Variants in SAPCD2 observed in about 807,000 individuals in gnomAD.
The protein encoded by SAPCD2 is suppressor APC domain-containing protein 2.
A neutral mutation model predicts 37.8 loss-of-function variants in SAPCD2; 34 were observed. That is an observed-to-expected ratio of 0.90 (90% CI 0.68 to 1.20). The LOEUF (loss-of-function observed/expected upper bound fraction) is 1.20. Ranked by LOEUF, SAPCD2 falls within the 50% of genes most tolerant of loss-of-function variation. The pLI is 0.00. For synonymous variants in SAPCD2, 275 were observed against 270.3 expected, an observed-to-expected ratio of 1.02 and a Z score of -0.17; for missense variants, 572 against 584.7, an observed-to-expected ratio of 0.98 and a Z score of 0.22.
chr9:137,064,791 G>A lies in SAPCD2; in HGVS notation c.1057-4C>T. 1 of 1,593,306 alleles carries A rather than the reference G, an allele frequency of 6.3e-7. No homozygotes were observed. The highest frequency in any genetic ancestry group is 8.5e-7 in the Non-Finnish European group (1 of 1,170,572). On this transcript the variant is annotated splice_polypyrimidine_tract_variant and splice_region_variant and intron_variant, in intron 5 of 5. Transcript: ENST00000409687. The stretch of plus-strand genomic sequence containing the variant: ...GCTCACTCTTCTCGGTCACCTCCTG[G>A]GCAGGTGCACAGTTGGTCAAGGCCT...
Position 137,065,160 on chromosome 9 carries a change from C to A in SAPCD2, c.857G>T (p.Arg286Leu). ...CTTGGGCAGTAGCCGCCCCAGTGGG[C>A]GGGGGCTCCCTGCAGCCCCAAAGTC... ...SADFGAAGSP[R>L]PLGRLLPKVQ... Residue 286 changes from arginine (R) to leucine (L), a missense_variant, in exon 4 of 6, where the codon CGC becomes CTC. Coordinates refer to ENST00000409687, the MANE Select transcript of SAPCD2 (RefSeq NM_178448.4). The A allele has an allele frequency of 6.7e-7, 1 of 1,497,362 alleles. No homozygotes were observed. The highest frequency in any genetic ancestry group is 2.3e-5 in the Admixed American group (1 of 42,676). 92.8% of individuals were successfully genotyped at this position (1,497,362 alleles called of 1,614,324 possible). A position where few individuals can be genotyped will look rare whatever the true frequency, so the allele number is the denominator to read the frequency against.
At chr9:137,067,225 G>A (rs917382283) in intron 1 of SAPCD2, among the ~76,000 whole-genome samples, 1 of 151,484 alleles carries the variant, frequency 6.6e-6, no homozygotes, top group East Asian at 2.0e-4. Flanking sequence ...CTGACCTCAG[G>A]TGATCCACCC....
chr9:137,067,774 CAAAAAAAAAAAAAAAA>C (rs36035728), intron 1 of SAPCD2, among the ~76,000 whole-genome samples: 1 of 44,646 alleles, frequency 2.2e-5, no homozygotes, highest in African/African-American at 9.0e-5. Context: ...GACTCCATCT[CAAAAAAAAAAAAAAAA>C]AAAAAAAAAA....
At position 137,064,045 on chromosome 9, in the gene SAPCD2, A is replaced by T. The variant is rs1832504214; in HGVS notation, c.*614T>A. ...AAGCTCTCGCCCACCCGGCGTGCCGATCCGCTGCAGCCAGGGTCCCTCAGC... is the reference window on the plus strand; with the variant it reads ...AAGCTCTCGCCCACCCGGCGTGCCGTTCCGCTGCAGCCAGGGTCCCTCAGC... On this transcript the variant is annotated 3_prime_UTR_variant, in exon 6 of 6. Transcript: ENST00000409687. 6.2e-6 allele frequency: 1 copy of T among 161,088 alleles called. No individual in the cohort carries two copies. Among genetic ancestry groups the T allele is most frequent in the Non-Finnish European group, 1.4e-5 (1 of 73,408 alleles). 10.0% of individuals were successfully genotyped at this position (161,088 alleles called of 1,614,324 possible). A position where few individuals can be genotyped will look rare whatever the true frequency, so the allele number is the denominator to read the frequency against.
At chr9:137,069,123 G>A (rs565119629) in intron 1 of SAPCD2, among the ~76,000 whole-genome samples, 24 of 152,344 alleles carry the variant, frequency 1.6e-4, no homozygotes, top group Admixed American at 7.2e-4. Context: ...GCCCCTCTGG[G>A]AGCTTGGCCC....
rs1361096663 is a variant in SAPCD2, at chr9:137,063,265, C to T, written c.*1394G>A. ...CATGCTGGGCTGACTTGGGCCTGTCCTGGGACACCCCTGCAGACCAGGTGC... is the reference window on the plus strand; with the variant it reads ...CATGCTGGGCTGACTTGGGCCTGTCTTGGGACACCCCTGCAGACCAGGTGC... On this transcript the variant is annotated 3_prime_UTR_variant, in exon 6 of 6. Coordinates refer to ENST00000409687, the MANE Select transcript of SAPCD2 (RefSeq NM_178448.4). 1 of 152,354 alleles carries T rather than the reference C, an allele frequency of 6.6e-6. No homozygotes were observed. The highest frequency in any genetic ancestry group is 1.5e-5 in the Non-Finnish European group (1 of 68,120). The allele number at this position is 152,354 out of a possible 1,614,324, so 9.4% of individuals were successfully genotyped here.
rs1832481471 is a variant in SAPCD2, at chr9:137,062,925, A to G, written c.*1734T>C. On this transcript the variant is annotated 3_prime_UTR_variant, in exon 6 of 6. Transcript: ENST00000409687. ...CCAGCTCTATGTGGGCGGTCTCCTG[A>G]TGAAGTCACCCCGGGACAGACACTG... 6.6e-6 allele frequency: 1 copy of G among 152,202 alleles called. No homozygotes were observed. The highest frequency in any genetic ancestry group is 6.5e-5 in the Admixed American group (1 of 15,282). 9.4% of individuals were successfully genotyped at this position (152,202 alleles called of 1,614,324 possible).
chr9:137,065,711 C>A, intron 2 of SAPCD2, 43 bp from the exon 3 acceptor site: 1 of 1,566,338 alleles, frequency 6.4e-7, no homozygotes. Flanking sequence ...CCCCAGTGAG[C>A]ACGCACACGT....
At chr9:137,069,570 C>G (rs1026463713) in intron 1 of SAPCD2, among the ~76,000 whole-genome samples, 3 of 152,212 alleles carry the variant, frequency 2.0e-5, no homozygotes, top group Non-Finnish European at 4.4e-5. Flanking sequence ...AGATGGAGAG[C>G]CCAAGCTCAG....
At position 137,070,502 on chromosome 9, in the gene SAPCD2, CA is replaced by C; in HGVS notation, c.-43del. ...TCCCCTCGTCCACCCGCGTGCGTCCCAGCGCGGCCCCACGGAGGGGCCGGCC... is the reference window on the plus strand; with the variant it reads ...TCCCCTCGTCCACCCGCGTGCGTCCCGCGCGGCCCCACGGAGGGGCCGGCC... On this transcript the variant is annotated 5_prime_UTR_variant, in exon 1 of 6. Transcript: ENST00000409687. The C allele has an allele frequency of 8.5e-7, 1 of 1,175,738 alleles. No individual in the cohort carries two copies. The highest frequency in any genetic ancestry group is 1.1e-6 in the Non-Finnish European group (1 of 944,966). The allele number at this position is 1,175,738 out of a possible 1,614,324, so 72.8% of individuals were successfully genotyped here.
intron 4 of SAPCD2, 22 bp from the exon 5 acceptor site, chr9:137,065,001 C>A: frequency 6.7e-7 from 1 of 1,497,434 alleles, no homozygotes; most frequent in South Asian, 1.2e-5. Context: ...CAGGATTAGG[C>A]AGGCCTGGAC....
chr9:137,066,433 G>T, intron 1 of SAPCD2, 59 bp from the exon 2 acceptor site: 1 of 1,351,082 alleles, frequency 7.4e-7, no homozygotes, highest in South Asian at 1.4e-5. Flanking sequence ...AGGCTCTGCT[G>T]AGGTGCAGCG....
Position 137,064,646 on chromosome 9 carries a change from C to G in SAPCD2, c.*13G>C, listed in dbSNP as rs373557256. ...GCCAGGCTGGCCCTGGGGGCCCACG[C>G]GGCCCACAAGGACTAGATGAAGGTG... On this transcript the variant is annotated 3_prime_UTR_variant, in exon 6 of 6. Coordinates refer to ENST00000409687, the MANE Select transcript of SAPCD2 (RefSeq NM_178448.4). 6 of 1,591,008 alleles carry G rather than the reference C, an allele frequency of 3.8e-6. No individual in the cohort carries two copies. In the Admixed American group the frequency reaches 8.7e-5, roughly 23 times the overall value.
chr9:137,066,471 G>T, intron 1 of SAPCD2, 97 bp from the exon 2 acceptor site: 1 of 929,668 alleles, frequency 1.1e-6, no homozygotes, highest in Non-Finnish European at 1.6e-6. Context: ...CACCCTCGAG[G>T]TCTCGGGCAC....
rs945371276 is a variant in SAPCD2 at position 137,069,545 on chromosome 9, C to A, written c.571+345G>T. Reference sequence around the variant, plus strand: ...CTGAGGGCCCAGGTGTCCCCAGGTGCGGAAAGGGTATTGGAGATGGAGAGC... The same window carrying A: ...CTGAGGGCCCAGGTGTCCCCAGGTGAGGAAAGGGTATTGGAGATGGAGAGC... On this transcript the variant is annotated intron_variant, in intron 1 of 5. Coordinates refer to ENST00000409687, the MANE Select transcript of SAPCD2 (RefSeq NM_178448.4). Among the ~76,000 whole-genome samples, 3 of 152,158 alleles carry A rather than the reference C, an allele frequency of 2.0e-5. No individual in the cohort carries two copies. The East Asian group carries it at 5.8e-4, about 29-fold the overall frequency.
chr9:137,064,466 C>G lies in SAPCD2; in HGVS notation c.*193G>C, dbSNP rs2131527235. Reference sequence around the variant, plus strand: ...CACCAGGAGCCAAAACGGAGTCAAGCGCTCGGTGCGGGGACCAGCCGGGGG... The same window carrying G: ...CACCAGGAGCCAAAACGGAGTCAAGGGCTCGGTGCGGGGACCAGCCGGGGG... On this transcript the variant is annotated 3_prime_UTR_variant, in exon 6 of 6. Transcript: ENST00000409687. 1.6e-6 allele frequency: 1 copy of G among 640,284 alleles called. No individual in the cohort carries two copies. Among genetic ancestry groups the G allele is most frequent in the Middle Eastern group, 4.3e-4 (1 of 2,336 alleles). The allele number at this position is 640,284 out of a possible 1,614,324, so 39.7% of individuals were successfully genotyped here. A position where few individuals can be genotyped will look rare whatever the true frequency, so the allele number is the denominator to read the frequency against.
At position 137,064,546 on chromosome 9, in the gene SAPCD2, T is replaced by C; in HGVS notation, c.*113A>G. 1 of 1,303,624 alleles carries C rather than the reference T, an allele frequency of 7.7e-7. No individual in the cohort carries two copies. Among genetic ancestry groups the C allele is most frequent in the Non-Finnish European group, 1.1e-6 (1 of 938,666 alleles). 80.8% of individuals were successfully genotyped at this position (1,303,624 alleles called of 1,614,324 possible). A position where few individuals can be genotyped will look rare whatever the true frequency, so the allele number is the denominator to read the frequency against. ...GGCAGGAAGGCGCCCACTCCGGGACTGTGCCTGGGCCTGCCGGGGGTCTCC... is the reference window on the plus strand; with the variant it reads ...GGCAGGAAGGCGCCCACTCCGGGACCGTGCCTGGGCCTGCCGGGGGTCTCC... On this transcript the variant is annotated 3_prime_UTR_variant, in exon 6 of 6. Transcript: ENST00000409687.
At position 137,062,324 on chromosome 9, in the gene SAPCD2, G is replaced by A. The variant is rs1484595357; in HGVS notation, c.*2335C>T. On this transcript the variant is annotated 3_prime_UTR_variant, in exon 6 of 6. Coordinates refer to ENST00000409687, the MANE Select transcript of SAPCD2 (RefSeq NM_178448.4). ...TTTTCTTTCTTTCTTTTTTTTTTTT[G>A]TAGAGATGGGGTCTCTCACTGCGTT... The A allele has an allele frequency of 9.3e-6, 1 of 107,994 alleles. No individual in the cohort carries two copies. Among genetic ancestry groups the A allele is most frequent in the Non-Finnish European group, 1.9e-5 (1 of 51,558 alleles). The allele number at this position is 107,994 out of a possible 1,614,324, so 6.7% of individuals were successfully genotyped here.
Position 137,064,949 on chromosome 9 carries a change from A to AG in SAPCD2, c.969dup (p.Cys324LeufsTer36). The AG allele has an allele frequency of 3.9e-6, 6 of 1,549,904 alleles. No individual in the cohort carries two copies. Among genetic ancestry groups the AG allele is most frequent in the Non-Finnish European group, 5.2e-6 (6 of 1,147,360 alleles). On this transcript the variant is annotated frameshift_variant, in exon 5 of 6. Transcript: ENST00000409687. LOFTEE classifies it high-confidence loss of function. ...GGTGAGGTGGACGTCAGGGCAGGGC[A>AG]GGGGGGCCCGGAGGAGGACGGGGGC...
Sources: gnomAD v4.1 joint callset for allele counts (sites outside exome capture counted in the v4.1 genomes callset) on GRCh38, gnomAD v4.1.1 for gene constraint, MANE v1.5 for transcripts, NCBI Gene and HGNC (gene_info 2026-07-23, HGNC 2026-07-21) for gene names.